Variants in CNTNAP5 observed in about 807,000 individuals in gnomAD.
The protein encoded by CNTNAP5 is contactin associated protein family member 5.
CNTNAP5 carries 72 observed loss-of-function variants against 150.2 expected under a neutral mutation model. The ratio of observed to expected loss-of-function variants is 0.48; its 90% CI spans 0.40 to 0.58. CNTNAP5 has a LOEUF of 0.58. CNTNAP5 is among the 20% of genes least tolerant of loss of function. CNTNAP5 has a pLI of 0.00. For synonymous variants in CNTNAP5, 672 were observed against 619.8 expected (o/e 1.08, Z -1.25); for missense variants, 1,636 against 1,626.2 (o/e 1.01, Z -0.10).
intron 3 of CNTNAP5, among the ~76,000 whole-genome samples, chr2:124,392,769 A>AG (rs1691154222): frequency 6.6e-6 from 1 of 150,496 alleles, no homozygotes; most frequent in South Asian, 2.1e-4. Context: ...TGAAAAAAAG[A>AG]GGAGAACAAA....
At chr2:124,171,302 A>G (rs2104664459) in intron 1 of CNTNAP5, among the ~76,000 whole-genome samples, 1 of 152,282 alleles carries the variant, frequency 6.6e-6, no homozygotes, top group South Asian at 2.1e-4. Context: ...TCTGCTAGAT[A>G]TTGAACACAC....
chr2:124,757,626 G>A (rs1680868291), intron 14 of CNTNAP5, among the ~76,000 whole-genome samples: 4 of 152,134 alleles, frequency 2.6e-5, no homozygotes, highest in Admixed American at 2.6e-4. Flanking sequence ...CTGAATCTCA[G>A]TTATTGCTCC....
At chr2:124,674,460 C>G (rs1678888611) in intron 13 of CNTNAP5, among the ~76,000 whole-genome samples, 1 of 143,934 alleles carries the variant, frequency 6.9e-6, no homozygotes, top group African/African-American at 2.7e-5. Flanking sequence ...CCCTTCCTTC[C>G]TTTCCCTCCC....
intron 13 of CNTNAP5, among the ~76,000 whole-genome samples, chr2:124,707,360 G>A (rs1679713760): frequency 6.6e-6 from 1 of 152,114 alleles, no homozygotes; most frequent in Non-Finnish European, 1.5e-5. Flanking sequence ...TTGAAATTGA[G>A]TTTTTTGTTT....
intron 3 of CNTNAP5, among the ~76,000 whole-genome samples, chr2:124,414,814 C>T (rs989301932): frequency 1.3e-5 from 2 of 151,986 alleles, no homozygotes; most frequent in Admixed American, 1.3e-4. Flanking sequence ...GTTTCTACTG[C>T]ACATTTGGAT....
chr2:124,865,916 C>CCATTGAA (rs966591372), intron 20 of CNTNAP5, among the ~76,000 whole-genome samples: 3 of 151,276 alleles, frequency 2.0e-5, no homozygotes, highest in Admixed American at 6.6e-5. Context: ...TGAACTCCAG[C>CCATTGAA]CTGGGAGACA....
intron 2 of CNTNAP5, among the ~76,000 whole-genome samples, chr2:124,233,025 CTT>C (rs1558812274): frequency 7.1e-6 from 1 of 140,092 alleles, no homozygotes; most frequent in African/African-American, 2.6e-5. Context: ...TTTTGTGAGA[CTT>C]TTTGTATCTG....
chr2:124,238,639 G>T (rs1233512024), intron 2 of CNTNAP5, among the ~76,000 whole-genome samples: 3 of 152,040 alleles, frequency 2.0e-5, no homozygotes, highest in African/African-American at 7.2e-5. Context: ...AGGAATTTTT[G>T]TAGTTAATAG....
intron 1 of CNTNAP5, among the ~76,000 whole-genome samples, chr2:124,057,233 T>G (rs1681874842): frequency 6.6e-6 from 1 of 151,394 alleles, no homozygotes; most frequent in Non-Finnish European, 1.5e-5. Flanking sequence ...CCTTTATACC[T>G]GACTCTTTCT....
At chr2:124,099,537 C>A (rs1683016462) in intron 1 of CNTNAP5, among the ~76,000 whole-genome samples, 1 of 152,164 alleles carries the variant, frequency 6.6e-6, no homozygotes. Flanking sequence ...GAATCCAGTT[C>A]TAATCTCAGT....
intron 12 of CNTNAP5, among the ~76,000 whole-genome samples, chr2:124,634,719 G>C (rs1558713599): frequency 1.3e-5 from 2 of 152,002 alleles, no homozygotes; most frequent in Admixed American, 6.6e-5. Context: ...GCTCAGGCTG[G>C]TCTCAAACTC....
intron 13 of CNTNAP5, among the ~76,000 whole-genome samples, chr2:124,687,715 T>G (rs1679220750): frequency 6.6e-6 from 1 of 151,876 alleles, no homozygotes; most frequent in Non-Finnish European, 1.5e-5. Flanking sequence ...GAAAAATAGC[T>G]ATTTTCCTTT....
intron 5 of CNTNAP5, among the ~76,000 whole-genome samples, chr2:124,444,403 G>C (rs1302491893): frequency 6.6e-6 from 1 of 152,030 alleles, no homozygotes; most frequent in Non-Finnish European, 1.5e-5. Context: ...AGACCAGCCG[G>C]GTCAATGTGG....
intron 11 of CNTNAP5, among the ~76,000 whole-genome samples, chr2:124,580,308 A>G (rs1043232859): frequency 1.3e-5 from 2 of 152,210 alleles, no homozygotes; most frequent in Non-Finnish European, 2.9e-5. Context: ...CTTCTCTGTA[A>G]GTTGTCAACT....
chr2:124,605,837 GGAAA>G (rs1299859100), intron 11 of CNTNAP5, among the ~76,000 whole-genome samples: 21 of 114,574 alleles, frequency 1.8e-4, no homozygotes, highest in East Asian at 1.5e-3. Context: ...AAAAAAAGAA[GGAAA>G]GAAAGAAAGA....
chr2:124,154,150 C>T (rs1427953259), intron 1 of CNTNAP5, among the ~76,000 whole-genome samples: 2 of 152,172 alleles, frequency 1.3e-5, no homozygotes, highest in Admixed American at 6.5e-5. Context: ...CTTAGTTACA[C>T]GTTCTGTTCT....
chr2:124,289,902 C>T (rs1463657656), intron 3 of CNTNAP5, among the ~76,000 whole-genome samples: 2 of 152,102 alleles, frequency 1.3e-5, no homozygotes, highest in Non-Finnish European at 2.9e-5. Context: ...AGTAGTGTGG[C>T]TTTTGAGAAA....
Position 124,229,104 on chromosome 2 carries a change from C to T in CNTNAP5, c.187+7295C>T, listed in dbSNP as rs1451238356. On this transcript the variant is annotated intron_variant, in intron 2 of 23. Coordinates refer to ENST00000682447, the MANE Select transcript of CNTNAP5 (RefSeq NM_001367498.1). ...AGGTAGACTCATGTCTGCCCTATAC[C>T]CAGGAAGAAAGTGTGCGTAACTGAT... 2.0e-5 allele frequency among the ~76,000 whole-genome samples: 3 copies of T among 152,126 alleles called. No individual in the cohort carries two copies. The East Asian group carries it at 5.8e-4, about 29-fold the overall frequency.
intron 3 of CNTNAP5, among the ~76,000 whole-genome samples, chr2:124,296,418 A>G (rs1688433432): frequency 6.6e-6 from 1 of 152,208 alleles, no homozygotes; most frequent in African/African-American, 2.4e-5. Context: ...TACTGGGCAG[A>G]TCTGGTTTCA....
Sources: allele counts gnomAD v4.1 joint callset (sites outside exome capture counted in the v4.1 genomes callset), GRCh38; gene constraint gnomAD v4.1.1; transcripts MANE v1.5; gene names NCBI Gene and HGNC (gene_info 2026-07-23, HGNC 2026-07-21).